The following SSC5D variants were observed in gnomAD, a reference collection of about 807,000 sequenced individuals.
SSC5D encodes scavenger receptor cysteine rich family member with 5 domains.
A neutral mutation model predicts 104.6 loss-of-function variants in SSC5D; 106 were observed. That is an observed-to-expected ratio of 1.01 (90% CI 0.87 to 1.19). SSC5D has a LOEUF of 1.19. Ranked by LOEUF, SSC5D falls within the 50% of genes most tolerant of loss-of-function variation. SSC5D has a pLI of 0.00. For synonymous variants in SSC5D, 860 were observed against 883.5 expected (o/e 0.97, Z 0.47); for missense variants, 1,993 against 2,153.8 (o/e 0.93, Z 1.48).
At chr19:55,512,941 A>T in intron 12 of SSC5D, 70 bp from the exon 13 acceptor site, 3 of 1,538,888 alleles carry the variant, frequency 1.9e-6, no homozygotes, top group Non-Finnish European at 2.6e-6. Flanking sequence ...CTGGCCCAGG[A>T]GGAGAGAGAC....
At chr19:55,502,245 T>G (rs1292225436) in intron 12 of SSC5D, among the ~76,000 whole-genome samples, 1 of 152,118 alleles carries the variant, frequency 6.6e-6, no homozygotes, top group African/African-American at 2.4e-5. Context: ...TCTCTATCTT[T>G]TCTTCTCTGT....
chr19:55,515,744 A>AT (rs1177292827), intron 13 of SSC5D, among the ~76,000 whole-genome samples: 1 of 115,092 alleles, frequency 8.7e-6, no homozygotes, highest in Non-Finnish European at 1.7e-5. Context: ...AAAAAAAAAT[A>AT]AAATAAAATA....
Position 55,490,348 on chromosome 19 carries a change from C to A in SSC5D, c.526C>A (p.Arg176=). 1 of 1,515,178 alleles carries A rather than the reference C, an allele frequency of 6.6e-7. No homozygotes were observed. Among genetic ancestry groups the A allele is most frequent in the Non-Finnish European group, 8.9e-7 (1 of 1,119,942 alleles). 93.9% of individuals were successfully genotyped at this position (1,515,178 alleles called of 1,614,324 possible). A position where few individuals can be genotyped will look rare whatever the true frequency, so the allele number is the denominator to read the frequency against. Residue 176 remains arginine (R), a synonymous_variant, in exon 5 of 14, where the codon CGG becomes AGG. Coordinates refer to ENST00000389623, the MANE Select transcript of SSC5D (RefSeq NM_001144950.2). ...PQNASRKKSP[R]PKQAKSTRAP... ...GAACGCCTCCCGGAAGAAGAGCCCC[C>A]GGCCCAAGCAGGCCAAGTCCACCCG...
chr19:55,513,373 A>T (rs1987801926), intron 13 of SSC5D, among the ~76,000 whole-genome samples: 1 of 152,050 alleles, frequency 6.6e-6, no homozygotes, highest in African/African-American at 2.4e-5. Context: ...AGGATTGCTT[A>T]AGCTCGGGAG....
At position 55,518,384 on chromosome 19, in the gene SSC5D, G is replaced by T. The variant is rs1277533084; in HGVS notation, c.4108G>T (p.Ala1370Ser). Residue 1370 changes from alanine (A) to serine (S), a missense_variant, in exon 14 of 14, where the codon GCA (alanine) becomes TCA (serine). Coordinates refer to ENST00000389623, the MANE Select transcript of SSC5D (RefSeq NM_001144950.2). ...TCTGCACCCCCAGTTGACCTTCACAGCACCTGCCCCTCACACCTCCACATC... is the reference window on the plus strand; with the variant it reads ...TCTGCACCCCCAGTTGACCTTCACATCACCTGCCCCTCACACCTCCACATC... ...PSLHPQLTFTAPAPHTSTSQI... is the reference protein window; with the variant it reads ...PSLHPQLTFTSPAPHTSTSQI... 1 of 1,550,744 alleles carries T rather than the reference G, an allele frequency of 6.4e-7. No individual in the cohort carries two copies. Among genetic ancestry groups the T allele is most frequent in the East Asian group, 2.4e-5 (1 of 40,856 alleles).
At chr19:55,491,858 C>T (rs543317744) in intron 6 of SSC5D, 87 of 152,398 alleles carry the variant, frequency 5.7e-4, no homozygotes, top group Non-Finnish European at 1.0e-3. Context: ...AGGCCCCACC[C>T]TGCTGGACTG....
intron 12 of SSC5D, among the ~76,000 whole-genome samples, chr19:55,512,066 C>T (rs1305270167): frequency 2.6e-5 from 4 of 151,606 alleles, no homozygotes; most frequent in African/African-American, 7.3e-5. Context: ...AGGCCGGGCA[C>T]GGTGGCTCAC....
In SSC5D at chr19:55,489,368, G is replaced by T; in HGVS notation, c.67G>T (p.Ala23Ser). Residue 23 changes from alanine (A) to serine (S), a missense_variant, in exon 3 of 14, where the codon GCC becomes TCC. Ala to Ser is a moderately conservative substitution (Grantham distance 99, BLOSUM62 1). Around this residue, in one of 6 missense-constraint regions of SSC5D, gnomAD observed 1,101 missense variants for 1,085.0 expected, o/e 1.01. Coordinates refer to ENST00000389623, the MANE Select transcript of SSC5D (RefSeq NM_001144950.2). ...GIQAVERLRL[A>S]DGPHGCAGRL... The stretch of plus-strand genomic sequence containing the variant: ...CCAACCCTCAGAGCGCCTGCGCCTG[G>T]CCGATGGCCCCCATGGGTGCGCTGG... 6.8e-7 allele frequency: 1 copy of T among 1,461,400 alleles called. No individual in the cohort carries two copies. The allele number at this position is 1,461,400 out of a possible 1,614,324, so 90.5% of individuals were successfully genotyped here. A position where few individuals can be genotyped will look rare whatever the true frequency, so the allele number is the denominator to read the frequency against.
At position 55,489,886 on chromosome 19, in the gene SSC5D, G is replaced by C. The variant is rs1027034371; in HGVS notation, c.366G>C (p.Gln122His). The part of the protein sequence containing the change: ...EEDAGVVCAG[Q>H]RVANSRDDST... Reference sequence around the variant, plus strand: ...GTCCCTGCCCCCCCGCCGCAGGTCAGCGTGTGGCTAACTCCAGGGACGACT... The same window carrying C: ...GTCCCTGCCCCCCCGCCGCAGGTCACCGTGTGGCTAACTCCAGGGACGACT... The change falls in exon 4 of 14, where the codon CAG becomes CAC. Residue 122 changes from glutamine (Q) to histidine (H), a missense_variant. Coordinates refer to ENST00000389623, the MANE Select transcript of SSC5D (RefSeq NM_001144950.2). The C allele has an allele frequency of 1.9e-6, 3 of 1,548,912 alleles. No individual in the cohort carries two copies. Among genetic ancestry groups the C allele is most frequent in the Non-Finnish European group, 2.6e-6 (3 of 1,146,092 alleles).
At chr19:55,516,307 C>T (rs919294909) in intron 13 of SSC5D, among the ~76,000 whole-genome samples, 7 of 152,096 alleles carry the variant, frequency 4.6e-5, no homozygotes, top group Admixed American at 6.6e-5. Flanking sequence ...ACCATCCTGG[C>T]CAACACGGTG....
chr19:55,500,800 C>T lies in SSC5D; in HGVS notation c.2613C>T (p.Cys871=). ...CDHEEDVGLT[C]TGYTDYDDYP... ...ACGAGGAAGACGTGGGGCTCACCTG[C>T]ACTGGTACCAGGGCATGGCGGCGGT... is the stretch of plus-strand genomic sequence containing the variant. The change falls in exon 11 of 14, where the codon TGC becomes TGT. Residue 871 remains cysteine (C), a synonymous_variant. Transcript: ENST00000389623. This position sits in a 1 kb window ranked among gnomAD's most constrained non-coding sequence, Gnocchi z 4.6. 6.5e-7 allele frequency: 1 copy of T among 1,547,214 alleles called. No individual in the cohort carries two copies. The highest frequency in any genetic ancestry group is 8.7e-7 in the Non-Finnish European group (1 of 1,143,672).
chr19:55,499,734 C>G, intron 9 of SSC5D, 82 bp from the exon 10 acceptor site: 2 of 1,090,794 alleles, frequency 1.8e-6, no homozygotes, highest in Non-Finnish European at 1.3e-6. Context: ...GGGTGAGTGA[C>G]TGGAGAGAAG....
In SSC5D at chr19:55,500,284, CCT is replaced by C. The variant is rs1568479508; in HGVS notation, c.2177_2178del (p.Ser726Ter). On this transcript the variant is annotated frameshift_variant, in exon 10 of 14. Transcript: ENST00000389623. LOFTEE classifies it high-confidence loss of function. The surrounding 1 kb of genome is among the most constrained non-coding windows in gnomAD (Gnocchi z 4.6). ...ACCACTCAAGGCCCCCAAGAAATGA[CCT>C]CTGAGTCCACTATCAAGAGTATCCC... 1 of 1,551,558 alleles carries C rather than the reference CCT, an allele frequency of 6.4e-7. No homozygotes were observed. Among genetic ancestry groups the C allele is most frequent in the Non-Finnish European group, 8.7e-7 (1 of 1,146,974 alleles).
At chr19:55,496,932 G>C (rs908940387) in intron 8 of SSC5D, among the ~76,000 whole-genome samples, 1 of 152,104 alleles carries the variant, frequency 6.6e-6, no homozygotes, top group South Asian at 2.1e-4. Context: ...GCTAATTTTT[G>C]TATTTTTAGT....
intron 1 of SSC5D, 104 bp from the exon 2 acceptor site, chr19:55,488,902 G>GTGTGTA: frequency 7.6e-6 from 1 of 132,410 alleles, no homozygotes; most frequent in East Asian, 2.7e-4. Flanking sequence ...GTGTGTGTGT[G>GTGTGTA]TGTGTGTGTG....
chr19:55,505,897 C>T lies in SSC5D; in HGVS notation c.2785+4696C>T, dbSNP rs569255731. 7.9e-5 allele frequency among the ~76,000 whole-genome samples: 12 copies of T among 151,582 alleles called. No individual in the cohort carries two copies. The South Asian group carries it at 1.2e-3, about 16-fold the overall frequency. On this transcript the variant is annotated intron_variant, in intron 12 of 13. Transcript: ENST00000389623. The stretch of plus-strand genomic sequence containing the variant: ...GATTACAGGCGTGTGCCACCACTCC[C>T]GGCTAATTTTTGTATTTTTAGTAGA...
At chr19:55,501,891 CTCTT>C (rs756849299) in intron 12 of SSC5D, among the ~76,000 whole-genome samples, 6 of 152,188 alleles carry the variant, frequency 3.9e-5, no homozygotes, top group Non-Finnish European at 7.3e-5. Flanking sequence ...TGCTGTTGGT[CTCTT>C]TTTTTCATTA....
Position 55,490,372 on chromosome 19 carries a change from C to CG in SSC5D, c.553dup (p.Ala185GlyfsTer40), listed in dbSNP as rs1987104619. ...CCGGCCCAAGCAGGCCAAGTCCACC[C>CG]GGGCCCCTCTGCTGACGACAGGAGC... On this transcript the variant is annotated frameshift_variant, in exon 5 of 14. Transcript: ENST00000389623. LOFTEE classifies it high-confidence loss of function. The CG allele has an allele frequency of 6.6e-7, 1 of 1,518,912 alleles. No individual in the cohort carries two copies. The highest frequency in any genetic ancestry group is 2.5e-5 in the East Asian group (1 of 39,344). The allele number at this position is 1,518,912 out of a possible 1,614,324, so 94.1% of individuals were successfully genotyped here. A position where few individuals can be genotyped will look rare whatever the true frequency, so the allele number is the denominator to read the frequency against.
At chr19:55,494,431 C>G (rs1001541064) in intron 7 of SSC5D, among the ~76,000 whole-genome samples, 179 bp from the exon 8 acceptor site, 4 of 152,196 alleles carry the variant, frequency 2.6e-5, no homozygotes, top group Admixed American at 2.0e-4. Flanking sequence ...CGCATTCACA[C>G]CCCTCTCCCC....
Sources: gnomAD v4.1 joint callset for allele counts (sites outside exome capture counted in the v4.1 genomes callset) on GRCh38, gnomAD v4.1.1 for gene constraint, gnomAD v4.1.1 regional missense constraint, Gnocchi (gnomAD v3.1) non-coding constraint, MANE v1.5 for transcripts, NCBI Gene and HGNC (gene_info 2026-07-23, HGNC 2026-07-21) for gene names.